RANBP2: variants seen among roughly 807,000 people sequenced by gnomAD.
RANBP2 encodes RAN binding protein 2, also known as E3 SUMO-protein ligase RanBP2.
RANBP2 carries 57 observed loss-of-function variants against 303.6 expected under a neutral mutation model. The observed-to-expected ratio is 0.19, with a 90% CI of 0.15 to 0.23. RANBP2 has a LOEUF of 0.23. Ranked by LOEUF, RANBP2 falls within the 10% of genes least tolerant of loss-of-function variation. The pLI is 1.00. For missense variants in RANBP2, 3,138 were observed against 3,780.8 expected (o/e 0.83, Z 4.46); for synonymous variants, 1,167 against 1,301.5 (o/e 0.90, Z 2.23).
chr2:109,078,005 C>T, the RANBP2 span, among the ~76,000 whole-genome samples: 1 of 143,548 alleles, frequency 7.0e-6, no homozygotes, highest in African/African-American at 2.5e-5. Flanking sequence ...GATATTTGCA[C>T]TCTCATGTTC....
the RANBP2 span, among the ~76,000 whole-genome samples, chr2:109,096,329 A>G: frequency 2.6e-5 from 4 of 152,248 alleles, no homozygotes; most frequent in Admixed American, 6.5e-5. Context: ...ATTGTATAAG[A>G]TTCCTATAAT....
chr2:108,772,876 A>C lies in RANBP2; in HGVS notation c.8122A>C (p.Lys2708Gln), dbSNP rs1385654757. 6.2e-7 allele frequency: 1 copy of C among 1,613,860 alleles called. No individual in the cohort carries two copies. The highest frequency in any genetic ancestry group is 1.7e-5 in the Admixed American group (1 of 60,010). ...TTGTACTGATTTTTCAGATAATGAG[A>C]AAGAATGTATTATTGTTTGGGAAAA... The part of the protein sequence containing the change: ...PLEENTADNE[K>Q]ECIIVWEKKP... Residue 2708 changes from lysine (K) to glutamine (Q), a missense_variant, in exon 23 of 29, where the codon AAA (lysine) becomes CAA (glutamine). Lys to Gln is a moderately conservative substitution (Grantham distance 53). This residue lies in a region of RANBP2 where 497 missense variants were observed against 465.8 expected (regional missense o/e 1.07). Coordinates refer to ENST00000283195, the MANE Select transcript of RANBP2 (RefSeq NM_006267.5).
chr2:109,707,367 C>T, the RANBP2 span, among the ~76,000 whole-genome samples: 3 of 152,178 alleles, frequency 2.0e-5, no homozygotes, highest in Admixed American at 2.0e-4. Context: ...TTTGACATAG[C>T]ACCATTGCTT....
At chr2:109,391,960 G>T in the RANBP2 span, among the ~76,000 whole-genome samples, 1 of 152,092 alleles carries the variant, frequency 6.6e-6, no homozygotes, top group Non-Finnish European at 1.5e-5. Flanking sequence ...CAGGACCACA[G>T]GTGCATGCCA....
the RANBP2 span, among the ~76,000 whole-genome samples, chr2:109,406,778 G>A: frequency 1.3e-5 from 2 of 152,048 alleles, no homozygotes; most frequent in Admixed American, 1.3e-4. Flanking sequence ...CAGGACCATA[G>A]CAGGGGCAGA....
chr2:109,728,344 G>A, the RANBP2 span, among the ~76,000 whole-genome samples: 18 of 152,230 alleles, frequency 1.2e-4, no homozygotes, highest in East Asian at 1.9e-4. Flanking sequence ...ATAGATGATC[G>A]TTGTCATTCT....
In RANBP2 at chr2:108,765,167, A is replaced by T. The variant is rs771104736; in HGVS notation, c.4628A>T (p.Lys1543Met). ...KSGFEDMFAK[K>M]EGQWDCSSCL... The stretch of plus-strand genomic sequence containing the variant: ...GGATTTGAAGACATGTTTGCTAAGA[A>T]GGAAGGACAGTGGGATTGCAGTTCA... Residue 1543 changes from lysine (K) to methionine (M), a missense_variant, in exon 20 of 29, where the codon AAG becomes ATG. Physicochemically the swap from Lys to Met is moderately conservative, Grantham distance 95. Transcript: ENST00000283195. 19 of 1,614,182 alleles carry T rather than the reference A, an allele frequency of 1.2e-5. No homozygotes were observed. In the South Asian group the frequency reaches 1.8e-4, roughly 15 times the overall value.
At chr2:109,544,562 G>C in the RANBP2 span, 7 of 983,300 alleles carry the variant, frequency 7.1e-6, no homozygotes, top group Non-Finnish European at 7.2e-6. Context: ...GTGGAGCAGG[G>C]TGATAATTTT....
At chr2:108,981,657 C>T in the RANBP2 span, among the ~76,000 whole-genome samples, 3 of 152,142 alleles carry the variant, frequency 2.0e-5, no homozygotes, top group Non-Finnish European at 4.4e-5. Context: ...TCCCCACACC[C>T]GAGATAGTTA....
the RANBP2 span, among the ~76,000 whole-genome samples, chr2:109,175,996 C>T: frequency 3.3e-5 from 5 of 152,166 alleles, no homozygotes; most frequent in Admixed American, 6.6e-5. Context: ...AAAAGATCCA[C>T]GTGGTCTAAT....
chr2:109,071,805 A>G, the RANBP2 span, among the ~76,000 whole-genome samples: 1 of 152,236 alleles, frequency 6.6e-6, no homozygotes, highest in Non-Finnish European at 1.5e-5. Context: ...CAGAGCCACA[A>G]TAATAGATGA....
At chr2:108,852,579 G>T in the RANBP2 span, among the ~76,000 whole-genome samples, 1 of 152,192 alleles carries the variant, frequency 6.6e-6, no homozygotes, top group Non-Finnish European at 1.5e-5. Context: ...CCATTAAAAA[G>T]AATGAGATTA....
At chr2:109,538,030 T>C in the RANBP2 span, among the ~76,000 whole-genome samples, 1 of 152,158 alleles carries the variant, frequency 6.6e-6, no homozygotes, top group Admixed American at 6.5e-5. Flanking sequence ...GAAATCTGAC[T>C]CACGCCTCAC....
At chr2:109,521,230 A>G in the RANBP2 span, among the ~76,000 whole-genome samples, 1 of 152,112 alleles carries the variant, frequency 6.6e-6, no homozygotes, top group African/African-American at 2.4e-5. Flanking sequence ...AAAAAAAAAA[A>G]AGAATTATGA....
chr2:109,129,602 A>G, the RANBP2 span: 1 of 1,480,848 alleles, frequency 6.8e-7, no homozygotes, highest in South Asian at 1.3e-5. Context: ...GCGCAGAGCG[A>G]GGGCGACGAG....
At chr2:108,880,331 T>A in the RANBP2 span, among the ~76,000 whole-genome samples, 1 of 152,184 alleles carries the variant, frequency 6.6e-6, no homozygotes, top group Non-Finnish European at 1.5e-5. Flanking sequence ...ATTGTTAAGA[T>A]GTCTGTTCTT....
chr2:109,132,015 C>A, the RANBP2 span, among the ~76,000 whole-genome samples: 1 of 152,032 alleles, frequency 6.6e-6, no homozygotes, highest in East Asian at 1.9e-4. Context: ...ATTGAGCAAC[C>A]CTATACAGTT....
the RANBP2 span, among the ~76,000 whole-genome samples, chr2:109,683,642 C>G: frequency 1.3e-5 from 2 of 152,038 alleles, no homozygotes; most frequent in African/African-American, 4.8e-5. Flanking sequence ...CTCCACCGAG[C>G]GCTGGACTCA....
chr2:108,746,934 A>G (rs965869665), intron 8 of RANBP2, 136 bp downstream of exon 8: 12 of 1,252,692 alleles, frequency 9.6e-6, no homozygotes, highest in Non-Finnish European at 1.3e-5. Flanking sequence ...AGTTAAGAGC[A>G]ATAGGTATGG....
Sources: gnomAD v4.1 joint callset for allele counts (sites outside exome capture counted in the v4.1 genomes callset) on GRCh38, gnomAD v4.1.1 for gene constraint, gnomAD v4.1.1 regional missense constraint, MANE v1.5 for transcripts, NCBI Gene and HGNC (gene_info 2026-07-23, HGNC 2026-07-21) for gene names.